MICU3: variants seen among roughly 807,000 people sequenced by gnomAD.
The protein encoded by MICU3 is calcium uptake protein 3, mitochondrial.
MICU3 carries 62 observed loss-of-function variants against 66.5 expected under a neutral mutation model. The ratio of observed to expected loss-of-function variants is 0.93; its 90% confidence interval spans 0.76 to 1.15. MICU3 has a LOEUF of 1.15. Ranked by LOEUF, MICU3 falls within the 50% of genes most tolerant of loss-of-function variation. The probability of loss-of-function intolerance (pLI) is 0.00; values close to 1 mark genes in which losing one functional copy is unlikely to be tolerated. For missense variants in MICU3, 779 were observed against 664.4 expected (o/e 1.17, Z -1.90); for synonymous variants, 308 against 240.7 (o/e 1.28, Z -2.59).
At chr8:17,137,745 T>G in the MICU3 span, among the ~76,000 whole-genome samples, 1 of 132,106 alleles carries the variant, frequency 7.6e-6, no homozygotes, top group Non-Finnish European at 1.6e-5. Flanking sequence ...TGAGACAGAG[T>G]CTCACTCTGT....
chr8:17,116,476 G>A lies in MICU3; in HGVS notation c.1400G>A (p.Gly467Glu). 2 of 1,537,128 alleles carry A rather than the reference G, an allele frequency of 1.3e-6. No homozygotes were observed. The highest frequency in any genetic ancestry group is 1.7e-6 in the Non-Finnish European group (2 of 1,148,920). The change falls in exon 13 of 15, where the codon GGA becomes GAA. Residue 467 changes from glycine (G) to glutamate (E), a missense_variant. By Grantham distance (98) the Gly-to-Glu change is moderately conservative. Transcript: ENST00000318063. Reference protein sequence around the residue: ...EFKRAVYVATGLKFSPHLVNT... With the variant: ...EFKRAVYVATELKFSPHLVNT... ...AAACGTGCCGTCTATGTAGCTACTGGACTCAAATTTTCACCACATTTAGTG... is the reference window on the plus strand; with the variant it reads ...AAACGTGCCGTCTATGTAGCTACTGAACTCAAATTTTCACCACATTTAGTG...
At chr8:17,084,804 T>G (rs530980939) in intron 5 of MICU3, among the ~76,000 whole-genome samples, 2 of 152,264 alleles carry the variant, frequency 1.3e-5, no homozygotes, top group South Asian at 4.1e-4. Flanking sequence ...TATAATGTCT[T>G]ATGCTTGACA....
At chr8:17,048,319 G>C (rs1488085540) in intron 1 of MICU3, among the ~76,000 whole-genome samples, 3 of 97,966 alleles carry the variant, frequency 3.1e-5, no homozygotes, top group East Asian at 2.9e-4. Context: ...ATAAGAAAAA[G>C]AAAACACGAT....
At chr8:17,051,400 C>T (rs1816055833) in intron 1 of MICU3, among the ~76,000 whole-genome samples, 1 of 152,118 alleles carries the variant, frequency 6.6e-6, no homozygotes, top group Non-Finnish European at 1.5e-5. Flanking sequence ...TTCCTGCGTT[C>T]ATGGAATTTA....
rs1817661575 is a variant in MICU3, at chr8:17,060,520, C to T, written c.382-3564C>T. Among the ~76,000 whole-genome samples, 3 of 152,278 alleles carry T rather than the reference C, an allele frequency of 2.0e-5. No homozygotes were observed. In the South Asian group the frequency reaches 6.2e-4, roughly 32 times the overall value. On this transcript the variant is annotated intron_variant, in intron 1 of 14. Coordinates refer to ENST00000318063, the MANE Select transcript of MICU3 (RefSeq NM_181723.3). The stretch of plus-strand genomic sequence containing the variant: ...AGAGACAGGGTTTCACCATGTTGGC[C>T]AGGCTGGTCTCGAACTCCTGACCTC...
Position 17,104,429 on chromosome 8 carries a change from A to C in MICU3, c.1023A>C (p.Thr341=). The change falls in exon 10 of 15, where the codon ACA becomes ACC. Residue 341 remains threonine, a synonymous_variant. Coordinates refer to ENST00000318063, the MANE Select transcript of MICU3 (RefSeq NM_181723.3). ...DDITSLVTDT[T]LLVHFFGKKG... ...TCACAAGTTTAGTAACAGATACTAC[A>C]CTTCTTGTACACTTTTTTGGAAAGA... 3.4e-6 allele frequency: 5 copies of C among 1,461,200 alleles called. No homozygotes were observed. The highest frequency in any genetic ancestry group is 2.4e-5 in the East Asian group (1 of 42,154). The allele number at this position is 1,461,200 out of a possible 1,614,324, so 90.5% of individuals were successfully genotyped here. A position where few individuals can be genotyped will look rare whatever the true frequency, so the allele number is the denominator to read the frequency against.
At chr8:17,060,045 G>C (rs1030626049) in intron 1 of MICU3, among the ~76,000 whole-genome samples, 1 of 152,142 alleles carries the variant, frequency 6.6e-6, no homozygotes, top group African/African-American at 2.4e-5. Flanking sequence ...GACAGGTACA[G>C]TGTTGTTTTA....
intron 7 of MICU3, among the ~76,000 whole-genome samples, chr8:17,089,765 A>G (rs1451397027): frequency 6.6e-6 from 1 of 152,086 alleles, no homozygotes; most frequent in Non-Finnish European, 1.5e-5. Flanking sequence ...AGGTTAAAGC[A>G]CATAGCTACT....
At chr8:17,072,050 G>C (rs1186160373) in intron 3 of MICU3, among the ~76,000 whole-genome samples, 2 of 151,880 alleles carry the variant, frequency 1.3e-5, no homozygotes, top group African/African-American at 4.8e-5. Context: ...AATTAATCTG[G>C]ATGAGTAAGG....
At chr8:17,031,436 C>G (rs889429835) in intron 1 of MICU3, among the ~76,000 whole-genome samples, 57 of 151,768 alleles carry the variant, frequency 3.8e-4, no homozygotes, top group African/African-American at 1.4e-3. Flanking sequence ...CAGGCGCCGG[C>G]CACCATGACC....
chr8:17,127,423 G>A (rs1040985255), downstream of MICU3, among the ~76,000 whole-genome samples: 17 of 151,940 alleles, frequency 1.1e-4, no homozygotes, highest in South Asian at 2.1e-4. Context: ...ATGTCAAGAC[G>A]TATTGCAAAA....
At chr8:17,115,376 C>T (rs1802587357) in intron 12 of MICU3, among the ~76,000 whole-genome samples, 1 of 152,184 alleles carries the variant, frequency 6.6e-6, no homozygotes, top group Non-Finnish European at 1.5e-5. Flanking sequence ...CCTTTGGCAA[C>T]TCTGCCTCTA....
chr8:17,109,287 T>C (rs1186573480), intron 11 of MICU3, among the ~76,000 whole-genome samples: 1 of 152,170 alleles, frequency 6.6e-6, no homozygotes, highest in Non-Finnish European at 1.5e-5. Flanking sequence ...GGATAGATGG[T>C]ATTTTAAAAT....
chr8:17,134,468 A>G, the MICU3 span, among the ~76,000 whole-genome samples: 136 of 149,138 alleles, frequency 9.1e-4, 1 homozygote, highest in African/African-American at 3.3e-3. Context: ...TGTTTGAGAC[A>G]GAGCCTCACT....
At chr8:17,101,964 C>T (rs182283528) in intron 9 of MICU3, among the ~76,000 whole-genome samples, 442 of 151,954 alleles carry the variant, frequency 2.9e-3, no homozygotes, top group Admixed American at 8.3e-3. Context: ...ATGTGTTATC[C>T]TTACCACAAC....
chr8:17,085,189 A>G (rs1377392934), intron 5 of MICU3, 47 bp from the exon 6 acceptor site: 2 of 1,318,878 alleles, frequency 1.5e-6, no homozygotes, highest in African/African-American at 1.5e-5. Flanking sequence ...TGTACTTTAA[A>G]ATACATTTTT....
rs918346741 is a variant in MICU3, at chr8:17,027,608, C to G, written c.329C>G (p.Pro110Arg). Residue 110 changes from proline (P) to arginine (R), a missense_variant, in exon 1 of 15, where the codon CCG becomes CGG. By Grantham distance (103) the Pro-to-Arg change is moderately radical. Transcript: ENST00000318063. ...AGCGCGGCCACGGAGCCCGAGGACC[C>G]GCCCCGCGGCCGGGGGATGCTGCCC... The part of the protein sequence containing the change: ...SKSAATEPED[P>R]PRGRGMLPIP... 2.3e-6 allele frequency: 3 copies of G among 1,309,548 alleles called. No homozygotes were observed. The African/African-American group carries it at 4.6e-5, about 20-fold the overall frequency. The allele number at this position is 1,309,548 out of a possible 1,614,324, so 81.1% of individuals were successfully genotyped here. A position where few individuals can be genotyped will look rare whatever the true frequency, so the allele number is the denominator to read the frequency against.
At chr8:17,079,297 A>G (rs1244849892) in intron 4 of MICU3, among the ~76,000 whole-genome samples, 1 of 152,062 alleles carries the variant, frequency 6.6e-6, no homozygotes, top group Non-Finnish European at 1.5e-5. Context: ...ACTTATTTTT[A>G]GTTGTATTTG....
At chr8:17,095,280 C>G (rs1473865914) in intron 8 of MICU3, among the ~76,000 whole-genome samples, 1 of 151,880 alleles carries the variant, frequency 6.6e-6, no homozygotes, top group African/African-American at 2.4e-5. Flanking sequence ...GTTGGAAAGT[C>G]TCTGTTCAGA....
Sources: gnomAD v4.1 joint callset for allele counts (sites outside exome capture counted in the v4.1 genomes callset) on GRCh38, gnomAD v4.1.1 for gene constraint, MANE v1.5 for transcripts, NCBI Gene and HGNC (gene_info 2026-07-23, HGNC 2026-07-21) for gene names.